The following WDFY3 variants were observed in gnomAD, a reference collection of about 807,000 sequenced individuals.
WDFY3 encodes the protein WD repeat and FYVE domain-containing protein 3.
In WDFY3, 66 loss-of-function variants were observed where a neutral mutation model predicts 409.6. The ratio of observed to expected loss-of-function variants is 0.16; its 90% CI spans 0.13 to 0.20. WDFY3 has a LOEUF of 0.20. Among genes scored for constraint, WDFY3 ranks in the 10% least tolerant of loss-of-function variants. The pLI, the probability that WDFY3 is intolerant of heterozygous loss-of-function variation, is 1.00. For synonymous variants in WDFY3, 1,521 were observed against 1,537.1 expected (o/e 0.99, Z 0.25); for missense variants, 3,031 against 4,298.1 (o/e 0.71, Z 8.24).
intron 45 of WDFY3, among the ~76,000 whole-genome samples, chr4:84,725,883 T>G (rs1735576251): frequency 6.6e-6 from 1 of 152,182 alleles, no homozygotes; most frequent in Admixed American, 6.5e-5. Context: ...CACATTAACC[T>G]TCTTTAACTT....
At chr4:84,904,839 G>A (rs773436106) in intron 2 of WDFY3, among the ~76,000 whole-genome samples, 1 of 152,300 alleles carries the variant, frequency 6.6e-6, no homozygotes, top group Non-Finnish European at 1.5e-5. Context: ...GTCACTTACA[G>A]ATGTCACAAA....
At position 84,787,731 on chromosome 4, in the gene WDFY3, G is replaced by A. The variant is rs1328137949; in HGVS notation, c.3670-18C>T. 6.3e-7 allele frequency: 1 copy of A among 1,588,852 alleles called. No individual in the cohort carries two copies. The highest frequency in any genetic ancestry group is 1.1e-5 in the South Asian group (1 of 90,250). ...TAATGAAGCTGTAAGGAAGACAAAA[G>A]CAAATGTGTGAGATGTGAACACTTT... On this transcript the variant is annotated intron_variant, in intron 22 of 67. Coordinates refer to ENST00000295888, the MANE Select transcript of WDFY3 (RefSeq NM_014991.6).
chr4:84,681,028 C>T (rs1578111693), intron 64 of WDFY3, among the ~76,000 whole-genome samples: 1 of 152,174 alleles, frequency 6.6e-6, no homozygotes, highest in African/African-American at 2.4e-5. Context: ...TTCACCCCAA[C>T]GGCTTATGAT....
intron 42 of WDFY3, 47 bp from the exon 43 acceptor site, chr4:84,735,167 A>G (rs182662589): frequency 9.9e-6 from 15 of 1,520,142 alleles, no homozygotes; most frequent in African/African-American, 2.8e-5. Context: ...GGATTTCTGG[A>G]AAAAAATAGT....
At chr4:84,778,381 A>T in intron 27 of WDFY3, 122 bp downstream of exon 27, 1 of 882,448 alleles carries the variant, frequency 1.1e-6, no homozygotes, top group Non-Finnish European at 1.6e-6. Flanking sequence ...AAATGATATT[A>T]ACATGAACAT....
At chr4:84,832,912 A>G (rs1471435027) in intron 7 of WDFY3, among the ~76,000 whole-genome samples, 5 of 151,952 alleles carry the variant, frequency 3.3e-5, no homozygotes, top group African/African-American at 9.7e-5. Context: ...ACAGTTTTAG[A>G]AAAAAAAGGA....
At chr4:84,687,119 T>G (rs1287964322) in intron 62 of WDFY3, among the ~76,000 whole-genome samples, 2 of 152,192 alleles carry the variant, frequency 1.3e-5, no homozygotes, top group African/African-American at 4.8e-5. Context: ...CTATAATTTA[T>G]TAAAATTTTC....
intron 24 of WDFY3, among the ~76,000 whole-genome samples, chr4:84,783,295 C>A (rs1746893972): frequency 6.6e-6 from 1 of 152,102 alleles, no homozygotes; most frequent in Admixed American, 6.6e-5. Flanking sequence ...GAGTTTGAGA[C>A]CAGCCTGGGA....
chr4:84,708,533 G>GTTT (rs994931199), intron 53 of WDFY3, among the ~76,000 whole-genome samples: 3 of 144,418 alleles, frequency 2.1e-5, no homozygotes, highest in Non-Finnish European at 3.1e-5. Context: ...GGCAACCGTA[G>GTTT]TTTTTTTTTT....
In WDFY3 at chr4:84,736,326, G is replaced by T; in HGVS notation, c.6759C>A (p.Ala2253=). The change falls in exon 42 of 68, where the codon GCC becomes GCA. Residue 2253 remains alanine, a splice_region_variant and synonymous_variant. Coordinates refer to ENST00000295888, the MANE Select transcript of WDFY3 (RefSeq NM_014991.6). The part of the protein sequence containing the change: ...AALKCWQNHL[A]HEKKCISRGE... ...CTCGACTTATGCATTTCTTTTCATG[G>T]GCTATTAAAAAATCAAATTAGATTA... is the stretch of plus-strand genomic sequence containing the variant. 3 of 1,572,514 alleles carry T rather than the reference G, an allele frequency of 1.9e-6. No individual in the cohort carries two copies. The highest frequency in any genetic ancestry group is 8.6e-7 in the Non-Finnish European group (1 of 1,164,404).
At chr4:84,730,737 T>G (rs764251983) in intron 44 of WDFY3, among the ~76,000 whole-genome samples, 1 of 152,066 alleles carries the variant, frequency 6.6e-6, no homozygotes, top group Non-Finnish European at 1.5e-5. Context: ...AAAATTGTCT[T>G]GGGCCACACA....
At chr4:84,918,058 A>T (rs2150820323) in intron 2 of WDFY3, among the ~76,000 whole-genome samples, 1 of 152,198 alleles carries the variant, frequency 6.6e-6, no homozygotes, top group Middle Eastern at 3.4e-3. Context: ...CAATAGACTC[A>T]CTTGGTAAGG....
chr4:84,776,777 A>G (rs1412543367), intron 27 of WDFY3, among the ~76,000 whole-genome samples: 1 of 152,142 alleles, frequency 6.6e-6, no homozygotes, highest in African/African-American at 2.4e-5. Flanking sequence ...TTTGGATATT[A>G]GAACTTTGAA....
chr4:84,895,073 T>G (rs1482051573), intron 3 of WDFY3, among the ~76,000 whole-genome samples: 1 of 152,136 alleles, frequency 6.6e-6, no homozygotes, highest in Non-Finnish European at 1.5e-5. Context: ...CAGGTTAGCT[T>G]TTATTAAACT....
intron 25 of WDFY3, among the ~76,000 whole-genome samples, chr4:84,782,179 C>T (rs1470326929): frequency 6.6e-6 from 1 of 152,194 alleles, no homozygotes; most frequent in Non-Finnish European, 1.5e-5. Flanking sequence ...AGTGTTTATA[C>T]TCAGAAGCTC....
At chr4:84,673,029 T>C (rs201904377) in intron 67 of WDFY3, 38 bp from the exon 68 acceptor site, 1 of 1,611,046 alleles carries the variant, frequency 6.2e-7, no homozygotes, top group Admixed American at 1.7e-5. Flanking sequence ...ATAGGTCTTC[T>C]CCATGCTTGA....
intron 3 of WDFY3, among the ~76,000 whole-genome samples, chr4:84,883,827 C>G (rs1266616752): frequency 6.6e-6 from 1 of 152,080 alleles, no homozygotes; most frequent in Non-Finnish European, 1.5e-5. Flanking sequence ...TTTCCAATAT[C>G]TAGGCTTTTG....
intron 8 of WDFY3, among the ~76,000 whole-genome samples, chr4:84,829,437 C>T (rs1038005976): frequency 6.6e-6 from 1 of 152,064 alleles, no homozygotes; most frequent in African/African-American, 2.4e-5. Flanking sequence ...ATGTACCTGT[C>T]ATTTTTTCAC....
chr4:84,770,880 C>T (rs1208161231), intron 30 of WDFY3, among the ~76,000 whole-genome samples: 2 of 152,180 alleles, frequency 1.3e-5, no homozygotes, highest in South Asian at 2.1e-4. Context: ...ATAAAGTCTT[C>T]AGTGCATATC....
Sources: allele counts gnomAD v4.1 joint callset (sites outside exome capture counted in the v4.1 genomes callset), GRCh38; gene constraint gnomAD v4.1.1; transcripts MANE v1.5; gene names NCBI Gene and HGNC (gene_info 2026-07-23, HGNC 2026-07-21).